Variants in KIF26B observed in about 807,000 individuals in gnomAD.
KIF26B encodes kinesin-like protein KIF26B.
A neutral mutation model predicts 151.2 loss-of-function variants in KIF26B; 63 were observed. The observed-to-expected ratio is 0.42, with a 90% CI of 0.34 to 0.51. The LOEUF (loss-of-function observed/expected upper bound fraction) is 0.51, where lower values mean the gene tolerates loss of function less well. KIF26B is among the 20% of genes least tolerant of loss of function. The pLI is 0.07. For missense variants in KIF26B, 2,813 were observed against 2,913.6 expected, an observed-to-expected ratio of 0.97 and a Z score of 0.79; for synonymous variants, 1,357 against 1,262.1, an observed-to-expected ratio of 1.08 and a Z score of -1.59.
intron 3 of KIF26B, among the ~76,000 whole-genome samples, chr1:245,386,133 C>T (rs896486024): frequency 6.6e-6 from 1 of 152,000 alleles, no homozygotes; most frequent in Non-Finnish European, 1.5e-5. Context: ...CCCAGCTACT[C>T]AGGAGGCTGA....
chr1:245,208,607 A>C (rs1558345657), intron 2 of KIF26B, among the ~76,000 whole-genome samples: 1 of 152,172 alleles, frequency 6.6e-6, no homozygotes, highest in Non-Finnish European at 1.5e-5. Context: ...AGGCAAGCGG[A>C]TGTCGATAGT....
chr1:245,379,355 T>C (rs983815264), intron 3 of KIF26B, among the ~76,000 whole-genome samples: 4 of 152,180 alleles, frequency 2.6e-5, no homozygotes, highest in African/African-American at 9.7e-5. Context: ...GCAAATAGAT[T>C]CGAATCATTT....
At chr1:245,392,139 A>G (rs1018884037) in intron 3 of KIF26B, among the ~76,000 whole-genome samples, 3 of 151,970 alleles carry the variant, frequency 2.0e-5, no homozygotes, top group Non-Finnish European at 2.9e-5. Context: ...TAAGATTATG[A>G]AGAGCTCCTG....
intron 2 of KIF26B, among the ~76,000 whole-genome samples, chr1:245,307,439 A>AT (rs1671576066): frequency 1.3e-5 from 2 of 152,158 alleles, no homozygotes; most frequent in African/African-American, 4.8e-5. Flanking sequence ...TAAGCCCCTA[A>AT]TATCTATTCA....
intron 5 of KIF26B, among the ~76,000 whole-genome samples, chr1:245,561,182 C>G (rs1364888467): frequency 6.6e-6 from 1 of 152,224 alleles, no homozygotes; most frequent in African/African-American, 2.4e-5. Context: ...CAGCACAAAG[C>G]AATTTCCAGC....
At chr1:245,346,775 C>G (rs1672465717) in intron 2 of KIF26B, among the ~76,000 whole-genome samples, 1 of 152,186 alleles carries the variant, frequency 6.6e-6, no homozygotes, top group Non-Finnish European at 1.5e-5. Flanking sequence ...ATCCCATTCT[C>G]TGATCACCAC....
chr1:245,293,014 A>C (rs1671281240), intron 2 of KIF26B, among the ~76,000 whole-genome samples: 1 of 152,226 alleles, frequency 6.6e-6, no homozygotes, highest in South Asian at 2.1e-4. Context: ...TTACAGAATG[A>C]AGTCATTATC....
At chr1:245,157,566 C>T (rs1668466733) in intron 2 of KIF26B, among the ~76,000 whole-genome samples, 1 of 152,240 alleles carries the variant, frequency 6.6e-6, no homozygotes, top group Non-Finnish European at 1.5e-5. Context: ...ACTGCGTCTG[C>T]TGGCCCAACC....
At chr1:245,674,864 C>T (rs1339350338) in intron 10 of KIF26B, among the ~76,000 whole-genome samples, 1 of 152,156 alleles carries the variant, frequency 6.6e-6, no homozygotes, top group Admixed American at 6.5e-5. Flanking sequence ...CCCCAGTCTG[C>T]CAAGTCGGCC....
chr1:245,306,018 G>A (rs1671533105), intron 2 of KIF26B, among the ~76,000 whole-genome samples: 2 of 151,332 alleles, frequency 1.3e-5, no homozygotes, highest in African/African-American at 4.9e-5. Flanking sequence ...TTCTCAGAGA[G>A]TTAAACACAA....
intron 11 of KIF26B, among the ~76,000 whole-genome samples, chr1:245,684,678 C>A (rs187377483): frequency 3.3e-5 from 5 of 152,178 alleles, no homozygotes; most frequent in African/African-American, 1.2e-4. Flanking sequence ...AAATGGATTG[C>A]TACCTCAAGA....
At chr1:245,278,511 A>C (rs1467225859) in intron 2 of KIF26B, among the ~76,000 whole-genome samples, 1 of 152,218 alleles carries the variant, frequency 6.6e-6, no homozygotes, top group African/African-American at 2.4e-5. Context: ...GGGCATGAAC[A>C]GTTCCTTTCC....
intron 2 of KIF26B, among the ~76,000 whole-genome samples, chr1:245,293,453 C>T (rs935730058): frequency 1.3e-5 from 2 of 152,106 alleles, no homozygotes; most frequent in Admixed American, 6.6e-5. Context: ...AGATCTGATT[C>T]CCCCAGCCCT....
chr1:245,468,535 T>A (rs1418929823), intron 4 of KIF26B, among the ~76,000 whole-genome samples: 1 of 151,990 alleles, frequency 6.6e-6, no homozygotes, highest in African/African-American at 2.4e-5. Context: ...GTCCCAGGAG[T>A]CATTTGTGAT....
At chr1:245,249,373 A>T (rs10924133) in intron 2 of KIF26B, among the ~76,000 whole-genome samples, 49,284 of 152,034 alleles carry the variant, frequency 0.32, 8,329 homozygotes, top group East Asian at 0.54. Context: ...TGCTGGGATT[A>T]CAAGTGTGAG....
At chr1:245,349,516 G>A (rs1672521376) in intron 2 of KIF26B, among the ~76,000 whole-genome samples, 2 of 134,512 alleles carry the variant, frequency 1.5e-5, no homozygotes, top group Non-Finnish European at 1.5e-5. Context: ...GAAACACACA[G>A]TACTCACTCA....
intron 10 of KIF26B, among the ~76,000 whole-genome samples, chr1:245,680,458 TGA>T (rs2044419814): frequency 3.9e-5 from 6 of 152,130 alleles, no homozygotes; most frequent in Admixed American, 3.9e-4. Flanking sequence ...ACCATATGAT[TGA>T]GTCAGGTGTG....
intron 2 of KIF26B, among the ~76,000 whole-genome samples, chr1:245,177,497 A>G (rs961985239): frequency 3.3e-5 from 5 of 152,160 alleles, no homozygotes; most frequent in Non-Finnish European, 5.9e-5. Flanking sequence ...CACACTGACG[A>G]ATGGCTCGGC....
chr1:245,479,383 A>G (rs1538470), intron 4 of KIF26B, among the ~76,000 whole-genome samples: 99,722 of 151,638 alleles, frequency 0.66, 33,570 homozygotes, highest in Non-Finnish European at 0.72. Flanking sequence ...GGGTATATCT[A>G]CAGAAGCCAG....
Sources: allele counts gnomAD v4.1 joint callset (sites outside exome capture counted in the v4.1 genomes callset), GRCh38; gene constraint gnomAD v4.1.1; transcripts MANE v1.5; gene names NCBI Gene and HGNC (gene_info 2026-07-23, HGNC 2026-07-21).